DHRSX: variants seen among roughly 807,000 people sequenced by gnomAD.
The protein encoded by DHRSX is dehydrogenase/reductase X-linked, also known as polyprenol dehydrogenase.
In DHRSX, 31 loss-of-function variants were observed where a neutral mutation model predicts 34.0. That is an observed-to-expected ratio of 0.91 (90% CI 0.69 to 1.23). DHRSX has a LOEUF of 1.23. DHRSX is among the 50% of genes most tolerant of loss of function. The probability of loss-of-function intolerance (pLI) is 0.00; values close to 1 mark genes in which losing one functional copy is unlikely to be tolerated. For missense variants in DHRSX, 414 were observed against 428.1 expected, an observed-to-expected ratio of 0.97 and a Z score of 0.29; for synonymous variants, 201 against 183.8, an observed-to-expected ratio of 1.09 and a Z score of -0.76.
At chrX:2,491,986 A>T (rs2045160281) in intron 1 of DHRSX, among the ~76,000 whole-genome samples, 1 of 152,174 alleles carries the variant, frequency 6.6e-6, no homozygotes, top group Non-Finnish European at 1.5e-5. Context: ...TAAAAGGTGT[A>T]ATTGTGTCTC....
At chrX:2,368,840 ACT>A (rs2043024470) in intron 3 of DHRSX, among the ~76,000 whole-genome samples, 1 of 151,852 alleles carries the variant, frequency 6.6e-6, no homozygotes, top group Non-Finnish European at 1.5e-5. Context: ...ACAGAACAAG[ACT>A]CTGTCTCAAA....
chrX:2,306,307 G>A (rs991634531), intron 3 of DHRSX, among the ~76,000 whole-genome samples: 2 of 151,892 alleles, frequency 1.3e-5, no homozygotes, highest in Non-Finnish European at 2.9e-5. Flanking sequence ...GCATCACTAG[G>A]GGAAGATGAG....
chrX:2,482,153 C>T (rs2044783868), intron 1 of DHRSX, among the ~76,000 whole-genome samples: 1 of 147,534 alleles, frequency 6.8e-6, no homozygotes, highest in African/African-American at 2.5e-5. Context: ...TTAGAGACAG[C>T]ATCTCTCTCC....
intron 2 of DHRSX, among the ~76,000 whole-genome samples, chrX:2,413,215 G>T (rs2043653453): frequency 6.6e-6 from 1 of 151,996 alleles, no homozygotes; most frequent in Non-Finnish European, 1.5e-5. Flanking sequence ...AGAAAGAAAA[G>T]AAAAAGAATT....
At chrX:2,262,887 C>T (rs1217845456) in intron 5 of DHRSX, among the ~76,000 whole-genome samples, 2 of 152,106 alleles carry the variant, frequency 1.3e-5, no homozygotes, top group Admixed American at 1.3e-4. Context: ...AACAGATGGG[C>T]CAAGGTATCC....
chrX:2,360,448 T>C (rs1180968172), intron 3 of DHRSX, among the ~76,000 whole-genome samples: 1 of 152,032 alleles, frequency 6.6e-6, no homozygotes, highest in East Asian at 1.9e-4. Flanking sequence ...CCAGGTGTGG[T>C]GGTGCGTGCC....
intron 1 of DHRSX, among the ~76,000 whole-genome samples, chrX:2,468,537 T>G (rs1196610199): frequency 1.3e-5 from 2 of 151,878 alleles, no homozygotes; most frequent in Non-Finnish European, 2.9e-5. Flanking sequence ...GTGTATGCAC[T>G]GAAGAGGTTC....
Position 2,408,755 on chromosome X carries a change from C to A in DHRSX, c.276G>T (p.Leu92Phe). 6.2e-7 allele frequency: 1 copy of A among 1,610,736 alleles called. No individual in the cohort carries two copies. The highest frequency in any genetic ancestry group is 8.5e-7 in the Non-Finnish European group (1 of 1,179,100). Residue 92 changes from leucine to phenylalanine, a missense_variant, in exon 3 of 7, where the codon TTG (leucine) becomes TTT (phenylalanine). Physicochemically the swap from Leu to Phe is conservative, Grantham distance 22. Transcript: ENST00000334651. ...QVVSKIKEET[L>F]NDKVEFLYCD... ...AGTATCTCTCGGTACCTTTGTCGTTCAAGGTTTCTTCTTTTATTTTGCTTA... is the reference window on the plus strand; with the variant it reads ...AGTATCTCTCGGTACCTTTGTCGTTAAAGGTTTCTTCTTTTATTTTGCTTA...
At chrX:2,388,893 A>C (rs1306340583) in intron 3 of DHRSX, among the ~76,000 whole-genome samples, 2 of 152,026 alleles carry the variant, frequency 1.3e-5, no homozygotes, top group African/African-American at 2.4e-5. Flanking sequence ...ATTTCATAAG[A>C]AGAGATGAGG....
intron 4 of DHRSX, among the ~76,000 whole-genome samples, chrX:2,273,808 C>T (rs1034415485): frequency 6.6e-6 from 1 of 152,166 alleles, no homozygotes; most frequent in African/African-American, 2.4e-5. Flanking sequence ...ACAACAGCAT[C>T]GTTGGGGAAG....
intron 3 of DHRSX, among the ~76,000 whole-genome samples, chrX:2,295,546 T>C (rs1453554051): frequency 1.3e-5 from 2 of 151,814 alleles, no homozygotes; most frequent in African/African-American, 4.8e-5. Flanking sequence ...GCACGTTCTG[T>C]ACATGTATCC....
rs1351449857 is a variant in DHRSX, at chrX:2,228,450, A to G, written c.805-7221T>C. Among the ~76,000 whole-genome samples, 44 of 8,846 alleles carry G rather than the reference A, an allele frequency of 5.0e-3. 3 individuals carry two copies. Among genetic ancestry groups the G allele is most frequent in the Non-Finnish European group, 5.7e-3 (36 of 6,370 alleles). 5.8% of individuals were successfully genotyped at this position (8,846 alleles called of 152,430 possible). On this transcript the variant is annotated intron_variant, in intron 6 of 6. Coordinates refer to ENST00000334651, the MANE Select transcript of DHRSX (RefSeq NM_145177.3). ...AAGGAAGGGAGGGAGGGAGGGAGGG[A>G]AGGGAGGGAGGGAGGGAGGGAGGGA...
intron 5 of DHRSX, among the ~76,000 whole-genome samples, chrX:2,250,649 C>T (rs984515647): frequency 2.6e-5 from 4 of 152,052 alleles, no homozygotes; most frequent in Admixed American, 6.6e-5. Flanking sequence ...ATCTTGGTTT[C>T]GGTGGGATTT....
chrX:2,318,859 C>G (rs968734603), intron 3 of DHRSX, among the ~76,000 whole-genome samples: 2 of 152,092 alleles, frequency 1.3e-5, no homozygotes, highest in Non-Finnish European at 2.9e-5. Context: ...ACCCCAAATT[C>G]TTTCTTGCAC....
At chrX:2,389,918 T>C (rs189905162) in intron 3 of DHRSX, among the ~76,000 whole-genome samples, 1 of 152,186 alleles carries the variant, frequency 6.6e-6, no homozygotes, top group East Asian at 1.9e-4. Flanking sequence ...GGAGCTGGGA[T>C]TACAGGCTTG....
intron 3 of DHRSX, among the ~76,000 whole-genome samples, chrX:2,381,164 C>A (rs917165800): frequency 6.6e-6 from 1 of 152,182 alleles, no homozygotes; most frequent in African/African-American, 2.4e-5. Flanking sequence ...CCACACCCGG[C>A]CCCAGATCCC....
rs1320707624 is a variant in DHRSX, at chrX:2,325,023, C to T, written c.287-33420G>A. Among the ~76,000 whole-genome samples the T allele has an allele frequency of 2.0e-5, 3 of 151,858 alleles. No individual in the cohort carries two copies. In the East Asian group the frequency reaches 5.8e-4, roughly 29 times the overall value. On this transcript the variant is annotated intron_variant, in intron 3 of 6. Coordinates refer to ENST00000334651, the MANE Select transcript of DHRSX (RefSeq NM_145177.3). ...ACCCCTGACCTAATGATCCACCCGC[C>T]TCAGCCTCCAAAAGTGCTGGGATGA...
chrX:2,480,653 GC>G (rs2044754913), intron 1 of DHRSX, among the ~76,000 whole-genome samples: 1 of 151,406 alleles, frequency 6.6e-6, no homozygotes, highest in Non-Finnish European at 1.5e-5. Context: ...CCCCATCTCT[GC>G]AAAAAACTTA....
chrX:2,423,285 C>T (rs1238410696), intron 2 of DHRSX, among the ~76,000 whole-genome samples: 3 of 151,908 alleles, frequency 2.0e-5, no homozygotes, highest in South Asian at 2.1e-4. Context: ...TGGTGGCGGG[C>T]GCCTGTAATC....
Sources: gnomAD v4.1 joint callset for allele counts (sites outside exome capture counted in the v4.1 genomes callset) on GRCh38, gnomAD v4.1.1 for gene constraint, MANE v1.5 for transcripts, NCBI Gene and HGNC (gene_info 2026-07-23, HGNC 2026-07-21) for gene names.